PCDH15: variants seen among roughly 807,000 people sequenced by gnomAD.
The protein encoded by PCDH15 is protocadherin related 15, also known as protocadherin-15.
A neutral mutation model predicts 178.5 loss-of-function variants in PCDH15; 129 were observed. The ratio of observed to expected loss-of-function variants is 0.72; its 90% CI spans 0.63 to 0.84. PCDH15 has a LOEUF of 0.84. PCDH15 is among the 40% of genes least tolerant of loss of function. The pLI is 0.00. For missense variants in PCDH15, 2,230 were observed against 2,099.9 expected, an observed-to-expected ratio of 1.06 and a Z score of -1.21; for synonymous variants, 800 against 732.0, an observed-to-expected ratio of 1.09 and a Z score of -1.50.
chr10:54,796,230 C>G (rs1564480750), intron 1 of PCDH15, among the ~76,000 whole-genome samples: 1 of 78,670 alleles, frequency 1.3e-5, no homozygotes, highest in Non-Finnish European at 2.5e-5. Flanking sequence ...CATTATCTAT[C>G]TATCTATCTA....
At chr10:53,892,578 C>T (rs1306431181) in intron 26 of PCDH15, among the ~76,000 whole-genome samples, 1 of 151,938 alleles carries the variant, frequency 6.6e-6, no homozygotes, top group African/African-American at 2.4e-5. Context: ...ATTGTATACT[C>T]AACTGACATC....
chr10:54,962,956 T>C lies in PCDH15; in HGVS notation c.-79-65456A>G, dbSNP rs534976795. ...CTGTGACAGAACTGAACTCTGTTTATGAAAAATGCGTACTTGAAAATCTGA... is the reference window on the plus strand; with the variant it reads ...CTGTGACAGAACTGAACTCTGTTTACGAAAAATGCGTACTTGAAAATCTGA... On this transcript the variant is annotated intron_variant, in intron 2 of 5. Coordinates refer to the PCDH15 transcript ENST00000458638. Among the ~76,000 whole-genome samples the C allele has an allele frequency of 2.0e-5, 3 of 152,326 alleles. No homozygotes were observed. In the East Asian group the frequency reaches 5.8e-4, roughly 29 times the overall value.
intron 15 of PCDH15, among the ~76,000 whole-genome samples, chr10:54,093,895 A>C (rs977740434): frequency 6.6e-6 from 1 of 152,206 alleles, no homozygotes; most frequent in African/African-American, 2.4e-5. Flanking sequence ...AGTATTTTCC[A>C]TAATATAAGA....
chr10:54,770,185 A>G (rs1246700913), intron 1 of PCDH15, among the ~76,000 whole-genome samples: 5 of 152,110 alleles, frequency 3.3e-5, no homozygotes, highest in Non-Finnish European at 5.9e-5. Flanking sequence ...ATGTTTCTGC[A>G]TCTACATCAG....
chr10:54,221,581 C>A (rs947288396), intron 9 of PCDH15, among the ~76,000 whole-genome samples: 13 of 151,488 alleles, frequency 8.6e-5, no homozygotes, highest in African/African-American at 2.9e-4. Context: ...GGAATGGGAT[C>A]ATTTATATAG....
intron 3 of PCDH15, among the ~76,000 whole-genome samples, chr10:54,822,361 C>T (rs755141934): frequency 4.6e-5 from 7 of 152,118 alleles, no homozygotes; most frequent in Non-Finnish European, 7.4e-5. Flanking sequence ...TTTTTTAGCT[C>T]CCACATATGA....
intron 2 of PCDH15, among the ~76,000 whole-genome samples, chr10:54,616,890 T>A (rs80248160): frequency 0.034 from 5,116 of 152,188 alleles, 254 homozygotes; most frequent in African/African-American, 0.11. Flanking sequence ...ATTTAGAAGC[T>A]TATAACTTCT....
intron 2 of PCDH15, among the ~76,000 whole-genome samples, chr10:54,654,232 T>A (rs1244983923): frequency 6.6e-6 from 1 of 152,182 alleles, no homozygotes; most frequent in Admixed American, 6.5e-5. Context: ...AAGCTGACAG[T>A]TACAAAGGAT....
intron 2 of PCDH15, among the ~76,000 whole-genome samples, chr10:55,438,287 T>A (rs1460070402): frequency 2.0e-5 from 3 of 152,102 alleles, no homozygotes; most frequent in Non-Finnish European, 2.9e-5. Context: ...GTTACAGCTG[T>A]TAACACTATT....
At chr10:54,113,922 A>G (rs2132742259) in intron 15 of PCDH15, among the ~76,000 whole-genome samples, 1 of 152,266 alleles carries the variant, frequency 6.6e-6, no homozygotes, top group African/African-American at 2.4e-5. Context: ...TGTCTTACAC[A>G]GTGGCAGGCA....
At chr10:53,970,601 G>C (rs905266167) in intron 21 of PCDH15, among the ~76,000 whole-genome samples, 27 of 152,088 alleles carry the variant, frequency 1.8e-4, no homozygotes, top group African/African-American at 5.1e-4. Context: ...AAATGATAAA[G>C]GGGATATTAC....
chr10:54,288,219 C>G (rs1591601326), intron 8 of PCDH15, among the ~76,000 whole-genome samples: 1 of 152,162 alleles, frequency 6.6e-6, no homozygotes, highest in East Asian at 1.9e-4. Context: ...ACTTGGGAGG[C>G]TGAGGCAGGA....
At chr10:54,955,282 CT>C (rs1224585406) in intron 2 of PCDH15, among the ~76,000 whole-genome samples, 15 of 151,096 alleles carry the variant, frequency 9.9e-5, no homozygotes, top group Admixed American at 2.6e-4. Flanking sequence ...AGGAAAAGAA[CT>C]TTTGTTCTTT....
At chr10:54,458,377 A>G (rs1401938772) in intron 3 of PCDH15, among the ~76,000 whole-genome samples, 1 of 152,196 alleles carries the variant, frequency 6.6e-6, no homozygotes, top group Non-Finnish European at 1.5e-5. Flanking sequence ...ACAATTAAAT[A>G]TCTGGCTTAA....
intron 1 of PCDH15, among the ~76,000 whole-genome samples, chr10:55,280,214 A>G (rs540937682): frequency 1.3e-5 from 2 of 150,524 alleles, no homozygotes; most frequent in African/African-American, 4.9e-5. Context: ...GTATCTCTCA[A>G]TTGCTTGGAC....
intron 8 of PCDH15, among the ~76,000 whole-genome samples, chr10:54,247,959 T>TATATAC (rs1426355910): frequency 2.4e-4 from 33 of 138,022 alleles, no homozygotes; most frequent in African/African-American, 8.3e-4. Context: ...TATATATATA[T>TATATAC]ACACATACAG....
intron 2 of PCDH15, among the ~76,000 whole-genome samples, chr10:55,341,802 TATA>T (rs1444811672): frequency 9.9e-4 from 10 of 10,132 alleles, no homozygotes; most frequent in Admixed American, 3.6e-3. Flanking sequence ...TATATATATA[TATA>T]TTTTTTTTTT....
intron 26 of PCDH15, among the ~76,000 whole-genome samples, chr10:53,894,873 A>C (rs2081845209): frequency 6.6e-6 from 1 of 152,184 alleles, no homozygotes; most frequent in South Asian, 2.1e-4. Context: ...GAGCATGCCC[A>C]GAACTAAATC....
chr10:55,050,794 GT>G (rs1336591068), intron 2 of PCDH15, among the ~76,000 whole-genome samples: 1 of 152,056 alleles, frequency 6.6e-6, no homozygotes, highest in Non-Finnish European at 1.5e-5. Context: ...GTTAATTCAA[GT>G]TTGCAAGGAC....
Sources: allele counts gnomAD v4.1 joint callset (sites outside exome capture counted in the v4.1 genomes callset), GRCh38; gene constraint gnomAD v4.1.1; transcripts MANE v1.5; gene names NCBI Gene and HGNC (gene_info 2026-07-23, HGNC 2026-07-21).